C2CD5: variants seen among roughly 807,000 people sequenced by gnomAD.
The protein encoded by C2CD5 is C2 domain-containing protein 5.
In C2CD5, 109 loss-of-function variants were observed where a neutral mutation model predicts 130.3. The ratio of observed to expected loss-of-function variants is 0.84; its 90% CI spans 0.72 to 0.98. The LOEUF (loss-of-function observed/expected upper bound fraction) is 0.98. Ranked by LOEUF, C2CD5 falls within the 50% of genes least tolerant of loss-of-function variation. The pLI is 0.00. For missense variants in C2CD5, 996 were observed against 1,261.8 expected, an observed-to-expected ratio of 0.79 and a Z score of 3.19; for synonymous variants, 454 against 429.2, an observed-to-expected ratio of 1.06 and a Z score of -0.71.
chr12:22,521,481 C>A (rs1950262593), intron 7 of C2CD5, among the ~76,000 whole-genome samples: 1 of 152,138 alleles, frequency 6.6e-6, no homozygotes, highest in South Asian at 2.1e-4. Flanking sequence ...CTTTGTCATT[C>A]TCCTTCCACT....
intron 16 of C2CD5, among the ~76,000 whole-genome samples, chr12:22,473,395 C>G (rs1943352768): frequency 6.6e-6 from 1 of 152,140 alleles, no homozygotes. Flanking sequence ...ACCCTCAGGA[C>G]TTCAAGAACC....
intron 12 of C2CD5, 69 bp from the exon 13 acceptor site, chr12:22,484,957 AACTG>A: frequency 1.4e-5 from 10 of 705,680 alleles, no homozygotes; most frequent in South Asian, 5.6e-5. Flanking sequence ...ATAATTATGT[AACTG>A]ATATTACATA....
At chr12:22,472,863 T>G (rs2136193826) in intron 16 of C2CD5, 56 bp from the exon 17 acceptor site, 2 of 979,598 alleles carry the variant, frequency 2.0e-6, no homozygotes, top group East Asian at 4.8e-5. Context: ...TTATTTCACG[T>G]TTTAAAAGAA....
chr12:22,509,506 C>T (rs1360288372), intron 9 of C2CD5, among the ~76,000 whole-genome samples: 1 of 152,150 alleles, frequency 6.6e-6, no homozygotes, highest in African/African-American at 2.4e-5. Context: ...CCCAGTTCAC[C>T]TAATCGGCAC....
rs1261394117 is a variant in C2CD5 at position 22,471,986 on chromosome 12, A to T, written c.2249T>A (p.Leu750His). ...NQALNKNFND[L>H]CENLLKSLYF... The stretch of plus-strand genomic sequence containing the variant: ...TCCTACCTTGAGCAAATTTTCACAG[A>T]GATCATTAAAGTTCTTATTGAGAGC... The change falls in exon 19 of 27, where the codon CTC (leucine) becomes CAC (histidine). Residue 750 changes from leucine (L) to histidine (H), a missense_variant. Physicochemically the swap from Leu to His is moderately conservative, Grantham distance 99. Around this residue, in one of 9 missense-constraint regions of C2CD5, gnomAD observed 590 missense variants for 631.4 expected, o/e 0.93. Coordinates refer to ENST00000446597, the MANE Select transcript of C2CD5 (RefSeq NM_001286176.2). The T allele has an allele frequency of 6.2e-7, 1 of 1,603,828 alleles. No individual in the cohort carries two copies. The highest frequency in any genetic ancestry group is 1.3e-5 in the African/African-American group (1 of 74,758).
At chr12:22,452,426 A>C (rs770870807) in intron 26 of C2CD5, among the ~76,000 whole-genome samples, 1 of 151,838 alleles carries the variant, frequency 6.6e-6, no homozygotes, top group Non-Finnish European at 1.5e-5. Flanking sequence ...ACCCCTTTTG[A>C]CCACTCCACA....
chr12:22,480,533 T>C (rs1944559041), intron 14 of C2CD5, among the ~76,000 whole-genome samples: 1 of 152,222 alleles, frequency 6.6e-6, no homozygotes, highest in African/African-American at 2.4e-5. Flanking sequence ...AAAGCAATAT[T>C]TGAGGCAAGT....
chr12:22,529,747 G>T (rs7303512), intron 3 of C2CD5, among the ~76,000 whole-genome samples: 23,895 of 151,966 alleles, frequency 0.16, 3,784 homozygotes, highest in African/African-American at 0.41. Flanking sequence ...AATCATTACA[G>T]AGAGCTTGGT....
chr12:22,501,955 C>T (rs1947856050), intron 10 of C2CD5, among the ~76,000 whole-genome samples: 1 of 151,892 alleles, frequency 6.6e-6, no homozygotes. Flanking sequence ...AGGCAACATA[C>T]CAGCTTCTGA....
chr12:22,544,114 G>T lies in C2CD5; in HGVS notation c.37C>A (p.Arg13Ser). ...GCACGGTCCATCACTGGCAAATGGC[G>T]CCCGGCCACGATTTTCACCTTCAGC... is the stretch of plus-strand genomic sequence containing the variant. ...GKLKVKIVAG[R>S]HLPVMDRASD... The change falls in exon 2 of 27, where the codon CGC becomes AGC. Residue 13 changes from arginine (R) to serine (S), a missense_variant. Physicochemically the swap from Arg to Ser is moderately radical, Grantham distance 110 (BLOSUM62 -1). This residue lies in a region of C2CD5 where 68 missense variants were observed against 154.5 expected (regional missense o/e 0.44). Transcript: ENST00000446597. The T allele has an allele frequency of 1.2e-6, 2 of 1,613,962 alleles. No individual in the cohort carries two copies. The highest frequency in any genetic ancestry group is 1.7e-6 in the Non-Finnish European group (2 of 1,179,914).
At chr12:22,509,863 T>A (rs1436079509) in intron 9 of C2CD5, among the ~76,000 whole-genome samples, 2 of 152,212 alleles carry the variant, frequency 1.3e-5, no homozygotes, top group Non-Finnish European at 2.9e-5. Context: ...GAGTTAAGGA[T>A]TTGATTTTAT....
intron 3 of C2CD5, chr12:22,534,959 T>A (rs993124541): frequency 3.4e-5 from 7 of 203,788 alleles, no homozygotes; most frequent in Non-Finnish European, 6.8e-5. Flanking sequence ...AAAAATTTAT[T>A]TTAATCCATA....
Position 22,458,443 on chromosome 12 carries a change from G to A in C2CD5, c.2686+41C>T, listed in dbSNP as rs188737007. On this transcript the variant is annotated intron_variant, in intron 24 of 26. Transcript: ENST00000446597. ...TTCACCACTGGGAAATCAGGGATAT[G>A]TTTCTCAGATTATCATAATGTGGTA... 8.5e-6 allele frequency: 8 copies of A among 939,454 alleles called. No individual in the cohort carries two copies. In the African/African-American group the frequency reaches 1.4e-4, roughly 16 times the overall value. 58.2% of individuals were successfully genotyped at this position (939,454 alleles called of 1,614,324 possible). A position where few individuals can be genotyped will look rare whatever the true frequency, so the allele number is the denominator to read the frequency against.
intron 22 of C2CD5, among the ~76,000 whole-genome samples, chr12:22,462,869 TTG>T (rs1941419911): frequency 6.6e-6 from 1 of 152,080 alleles, no homozygotes; most frequent in Non-Finnish European, 1.5e-5. Flanking sequence ...GGCGGGTCAG[TTG>T]AGCTCAGGAG....
chr12:22,456,765 C>T (rs1939952284), intron 25 of C2CD5, among the ~76,000 whole-genome samples: 1 of 152,122 alleles, frequency 6.6e-6, no homozygotes. Context: ...TCTAAGATTT[C>T]TAACAATAAA....
chr12:22,481,163 T>C (rs892574838), intron 14 of C2CD5, among the ~76,000 whole-genome samples: 1 of 152,210 alleles, frequency 6.6e-6, no homozygotes, highest in Non-Finnish European at 1.5e-5. Context: ...TTTCTGTCGT[T>C]AGAAAACTGT....
intron 3 of C2CD5, among the ~76,000 whole-genome samples, chr12:22,534,376 T>C (rs1286941636): frequency 5.3e-5 from 8 of 152,134 alleles, no homozygotes. Flanking sequence ...ATAAATATAT[T>C]GGACTTCATC....
At chr12:22,542,398 GA>G (rs1483633198) in intron 2 of C2CD5, among the ~76,000 whole-genome samples, 1 of 152,182 alleles carries the variant, frequency 6.6e-6, no homozygotes, top group Admixed American at 6.5e-5. Flanking sequence ...AAATATTACA[GA>G]AAATGAGGTT....
In C2CD5 at chr12:22,517,240, A is replaced by G. The variant is rs895122723; in HGVS notation, c.952+746T>C. ...GGGAAAACTGTCAGACAAAAATACT[A>G]TTTATAAAAATTTCATCACTATTAA... On this transcript the variant is annotated intron_variant, in intron 8 of 26. Coordinates refer to ENST00000446597, the MANE Select transcript of C2CD5 (RefSeq NM_001286176.2). Among the ~76,000 whole-genome samples, 4 of 151,786 alleles carry G rather than the reference A, an allele frequency of 2.6e-5. No homozygotes were observed. In the East Asian group the frequency reaches 5.8e-4, roughly 22 times the overall value.
Sources: gnomAD v4.1 joint callset for allele counts (sites outside exome capture counted in the v4.1 genomes callset) on GRCh38, gnomAD v4.1.1 for gene constraint, gnomAD v4.1.1 regional missense constraint, MANE v1.5 for transcripts, NCBI Gene and HGNC (gene_info 2026-07-23, HGNC 2026-07-21) for gene names.